Variants in XXYLT1 observed in about 807,000 individuals in gnomAD.
The protein encoded by XXYLT1 is xyloside xylosyltransferase 1.
XXYLT1 carries 20 observed loss-of-function variants against 28.9 expected under a neutral mutation model. That is an observed-to-expected ratio of 0.69 (90% confidence interval 0.49 to 1.00). The LOEUF (loss-of-function observed/expected upper bound fraction) is 1.00, where lower values mean the gene tolerates loss of function less well. XXYLT1 is among the 50% of genes least tolerant of loss of function. The pLI is 0.00. For synonymous variants in XXYLT1, 257 were observed against 253.8 expected (o/e 1.01, Z -0.12); for missense variants, 542 against 560.1 (o/e 0.97, Z 0.33).
intron 1 of XXYLT1, among the ~76,000 whole-genome samples, chr3:195,243,779 T>C (rs1456282237): frequency 2.0e-5 from 3 of 152,154 alleles, no homozygotes; most frequent in East Asian, 1.9e-4. Context: ...GGACGTGCAG[T>C]TTTTACAAGG....
At chr3:195,229,214 A>G (rs1442815162) in intron 1 of XXYLT1, among the ~76,000 whole-genome samples, 1 of 152,136 alleles carries the variant, frequency 6.6e-6, no homozygotes, top group African/African-American at 2.4e-5. Context: ...TTTCTAAAAC[A>G]CTATTAAATT....
Position 195,115,875 on chromosome 3 carries a change from C to CTCAG in XXYLT1, c.785+40570_785+40573dup, listed in dbSNP as rs1718018339. Among the ~76,000 whole-genome samples, 1 of 152,114 alleles carries CTCAG rather than the reference C, an allele frequency of 6.6e-6. No individual in the cohort carries two copies. Among genetic ancestry groups the CTCAG allele is most frequent in the Admixed American group, 6.5e-5 (1 of 15,272 alleles). On this transcript the variant is annotated intron_variant, in intron 3 of 3. Coordinates refer to ENST00000310380, the MANE Select transcript of XXYLT1 (RefSeq NM_152531.5). This position sits in a 1 kb window ranked among gnomAD's most constrained non-coding sequence, Gnocchi z 4.2. ...GAAAACTGGAGGCGCTGAGGCTGTC[C>CTCAG]TCAGGCTCAGGAGACAAAGACCGAG...
chr3:195,082,591 G>A (rs1241438314), intron 3 of XXYLT1, among the ~76,000 whole-genome samples: 7 of 152,182 alleles, frequency 4.6e-5, no homozygotes, highest in Admixed American at 1.3e-4. Flanking sequence ...GGTGGCTCAC[G>A]CCTGTAATCC....
intron 3 of XXYLT1, among the ~76,000 whole-genome samples, chr3:195,112,515 CACA>C (rs565659681): frequency 1.6e-4 from 3 of 18,532 alleles, no homozygotes; most frequent in Non-Finnish European, 3.5e-4. Context: ...CACACACACC[CACA>C]CACACACACA....
chr3:195,078,274 T>C lies in XXYLT1; in HGVS notation c.786-8163A>G, dbSNP rs1432308196. Among the ~76,000 whole-genome samples, 1 of 151,874 alleles carries C rather than the reference T, an allele frequency of 6.6e-6. No homozygotes were observed. Among genetic ancestry groups the C allele is most frequent in the Non-Finnish European group, 1.5e-5 (1 of 67,972 alleles). ...TACGGAATTCTGGAGAGTTCTGACA[T>C]TTAGGGCGTGGAAGAAGAGGAGCCA... On this transcript the variant is annotated intron_variant, in intron 3 of 3. Coordinates refer to ENST00000310380, the MANE Select transcript of XXYLT1 (RefSeq NM_152531.5). This position sits in a 1 kb window ranked among gnomAD's most constrained non-coding sequence, Gnocchi z 5.0.
rs1302306217 is a variant in XXYLT1, at chr3:195,173,570, G to A, written c.653-16989C>T. Among the ~76,000 whole-genome samples, 1 of 152,130 alleles carries A rather than the reference G, an allele frequency of 6.6e-6. No individual in the cohort carries two copies. Among genetic ancestry groups the A allele is most frequent in the East Asian group, 1.9e-4 (1 of 5,194 alleles). ...TAATGACTAAAAGCATCATTTTAAA[G>A]ACCTTTCATTTTCCTTTCTGGTTTT... On this transcript the variant is annotated intron_variant, in intron 2 of 3. Coordinates refer to ENST00000310380, the MANE Select transcript of XXYLT1 (RefSeq NM_152531.5). This position sits in a 1 kb window ranked among gnomAD's most constrained non-coding sequence, Gnocchi z 4.3.
rs10649695 is a variant in XXYLT1, at chr3:195,252,727, C to CAG, written c.504+17826_504+17827dup. Among the ~76,000 whole-genome samples, 412 of 119,076 alleles carry CAG rather than the reference C, an allele frequency of 3.5e-3. 4 individuals carry two copies. The highest frequency in any genetic ancestry group is 4.3e-3 in the Non-Finnish European group (258 of 59,634). 78.1% of individuals were successfully genotyped at this position (119,076 alleles called of 152,430 possible). A position where few individuals can be genotyped will look rare whatever the true frequency, so the allele number is the denominator to read the frequency against. ...ACACACACACACACACACACACACACAGAGAGAGAGAGAGAGAGAGAGAGA... is the reference window on the plus strand; with the variant it reads ...ACACACACACACACACACACACACACAGAGAGAGAGAGAGAGAGAGAGAGAGA... On this transcript the variant is annotated intron_variant, in intron 1 of 3. Transcript: ENST00000310380.
intron 3 of XXYLT1, among the ~76,000 whole-genome samples, chr3:195,142,526 G>A (rs1266110692): frequency 6.6e-6 from 1 of 152,166 alleles, no homozygotes; most frequent in Non-Finnish European, 1.5e-5. Context: ...TCAGCTATAA[G>A]TTTTCTATTA....
At chr3:195,196,770 A>G (rs1481258813) in intron 2 of XXYLT1, among the ~76,000 whole-genome samples, 1 of 152,208 alleles carries the variant, frequency 6.6e-6, no homozygotes, top group African/African-American at 2.4e-5. Context: ...CTTTGTACAA[A>G]TTAAAATGCC....
intron 2 of XXYLT1, among the ~76,000 whole-genome samples, chr3:195,219,457 A>G (rs1723724725): frequency 6.6e-6 from 1 of 152,198 alleles, no homozygotes; most frequent in Non-Finnish European, 1.5e-5. Flanking sequence ...CCACACACAC[A>G]CTGACCTCAG....
chr3:195,200,429 G>T (rs186481824), intron 2 of XXYLT1, among the ~76,000 whole-genome samples: 4 of 152,360 alleles, frequency 2.6e-5, no homozygotes, highest in Admixed American at 2.6e-4. Flanking sequence ...GGTAATAATA[G>T]TGGTGGTGGA....
intron 1 of XXYLT1, among the ~76,000 whole-genome samples, chr3:195,261,539 C>T (rs777242552): frequency 6.6e-6 from 1 of 152,190 alleles, no homozygotes; most frequent in African/African-American, 2.4e-5. Context: ...AGACTTCATA[C>T]TGGTAAACAT....
chr3:195,212,381 G>A (rs1723361124), intron 2 of XXYLT1, among the ~76,000 whole-genome samples: 1 of 152,220 alleles, frequency 6.6e-6, no homozygotes, highest in Admixed American at 6.5e-5. Flanking sequence ...GTTAAATTCT[G>A]GTCAGCTGCA....
chr3:195,110,345 G>C lies in XXYLT1; in HGVS notation c.786-40234C>G, dbSNP rs1717534064. On this transcript the variant is annotated intron_variant, in intron 3 of 3. Transcript: ENST00000310380. Reference sequence around the variant, plus strand: ...GAGGGTGAGGTGTGTGTATGTGTGTGGTGTGTGGTGTATGTGCGTGCGTGT... The same window carrying C: ...GAGGGTGAGGTGTGTGTATGTGTGTCGTGTGTGGTGTATGTGCGTGCGTGT... Among the ~76,000 whole-genome samples the C allele has an allele frequency of 3.5e-4, 10 of 28,422 alleles. 1 individual carries two copies. Among genetic ancestry groups the C allele is most frequent in the African/African-American group, 1.2e-3 (9 of 7,566 alleles). The allele number at this position is 28,422 out of a possible 152,430, so 18.6% of individuals were successfully genotyped here. A position where few individuals can be genotyped will look rare whatever the true frequency, so the allele number is the denominator to read the frequency against.
chr3:195,249,829 A>G (rs2108838372), intron 1 of XXYLT1, among the ~76,000 whole-genome samples: 1 of 152,014 alleles, frequency 6.6e-6, no homozygotes, highest in East Asian at 1.9e-4. Context: ...GCATAAATAA[A>G]CTCTAGTGGA....
At chr3:195,213,230 T>G (rs1723407064) in intron 2 of XXYLT1, among the ~76,000 whole-genome samples, 3 of 152,096 alleles carry the variant, frequency 2.0e-5, no homozygotes, top group Admixed American at 2.0e-4. Context: ...GTGTTATTTA[T>G]TACGCTAATC....
Position 195,168,491 on chromosome 3 carries a change from C to T in XXYLT1, c.653-11910G>A, listed in dbSNP as rs1017110344. Among the ~76,000 whole-genome samples, 16 of 150,956 alleles carry T rather than the reference C, an allele frequency of 1.1e-4. No homozygotes were observed. Among genetic ancestry groups the T allele is most frequent in the African/African-American group, 4.0e-4 (16 of 40,222 alleles). On this transcript the variant is annotated intron_variant, in intron 2 of 3. Transcript: ENST00000310380. The surrounding 1 kb of genome is among the most constrained non-coding windows in gnomAD (Gnocchi z 4.3). ...AGGTTTTTTCACTAAATATCCTCTG[C>T]TGCCACTGCTGCAGCTGCTTCCATC...
chr3:195,172,881 G>A (rs1036756178), intron 2 of XXYLT1, among the ~76,000 whole-genome samples: 16 of 152,212 alleles, frequency 1.1e-4, no homozygotes, highest in Admixed American at 6.5e-5. Context: ...GCACATTTCT[G>A]TTAAAAAGCG....
chr3:195,245,003 C>A (rs1361766962), intron 1 of XXYLT1, among the ~76,000 whole-genome samples: 19 of 150,504 alleles, frequency 1.3e-4, no homozygotes, highest in Non-Finnish European at 2.8e-4. Context: ...CCCGTCTCTA[C>A]TAAAAATACA....
Sources: gnomAD v4.1 joint callset for allele counts (sites outside exome capture counted in the v4.1 genomes callset) on GRCh38, gnomAD v4.1.1 for gene constraint, Gnocchi (gnomAD v3.1) non-coding constraint, MANE v1.5 for transcripts, NCBI Gene and HGNC (gene_info 2026-07-23, HGNC 2026-07-21) for gene names.